MCTP1: variants seen among roughly 807,000 people sequenced by gnomAD.
MCTP1 encodes the protein multiple C2 and transmembrane domain containing 1.
MCTP1 carries 69 observed loss-of-function variants against 120.6 expected under a neutral mutation model. The observed-to-expected ratio is 0.57, with a 90% confidence interval of 0.47 to 0.70. MCTP1 has a LOEUF of 0.70. Ranked by LOEUF, MCTP1 falls within the 30% of genes least tolerant of loss-of-function variation. The pLI, the probability that MCTP1 is intolerant of heterozygous loss-of-function variation, is 0.00. For missense variants in MCTP1, 1,203 were observed against 1,248.8 expected, an observed-to-expected ratio of 0.96 and a Z score of 0.55; for synonymous variants, 529 against 493.1, an observed-to-expected ratio of 1.07 and a Z score of -0.96.
intron 17 of MCTP1, among the ~76,000 whole-genome samples, chr5:94,839,576 A>T (rs1162318601): frequency 6.6e-6 from 1 of 152,218 alleles, no homozygotes; most frequent in Non-Finnish European, 1.5e-5. Context: ...ACATATATTT[A>T]AAAATAATAT....
chr5:95,075,421 C>A (rs1477026664), intron 1 of MCTP1, among the ~76,000 whole-genome samples: 1 of 152,132 alleles, frequency 6.6e-6, no homozygotes, highest in African/African-American at 2.4e-5. Flanking sequence ...AGTTAACCTT[C>A]TCCTTAATTT....
chr5:94,737,365 C>T (rs1434505628), intron 19 of MCTP1, among the ~76,000 whole-genome samples: 1 of 152,086 alleles, frequency 6.6e-6, no homozygotes, highest in Non-Finnish European at 1.5e-5. Context: ...TAGGCTCTAA[C>T]CCAGAGCAGT....
Position 94,952,648 on chromosome 5 carries a change from G to C in MCTP1, c.981+571C>G, listed in dbSNP as rs149328781. 7.5e-3 allele frequency among the ~76,000 whole-genome samples: 1,143 copies of C among 152,206 alleles called. 15 individuals carry two copies. The highest frequency in any genetic ancestry group is 0.026 in the African/African-American group (1,085 of 41,528). On this transcript the variant is annotated intron_variant, in intron 3 of 22. Transcript: ENST00000515393. ...AAGCTGGGCATGAAAATAAAACAAG[G>C]AATAGGGCTCAGAATAGGAACTAGG...
At chr5:95,121,975 C>T (rs1456718733) in intron 1 of MCTP1, among the ~76,000 whole-genome samples, 2 of 149,942 alleles carry the variant, frequency 1.3e-5, no homozygotes, top group Non-Finnish European at 3.0e-5. Flanking sequence ...ACTCCTATCT[C>T]TCACCATATA....
At chr5:94,711,070 C>T (rs1055747936) in intron 20 of MCTP1, 143 bp from the exon 21 acceptor site, 21 of 654,532 alleles carry the variant, frequency 3.2e-5, no homozygotes, top group Middle Eastern at 3.7e-4. Context: ...TATCAGAGGA[C>T]GCAGGCTAGC....
intron 12 of MCTP1, among the ~76,000 whole-genome samples, chr5:94,875,676 T>TTAA (rs1798713247): frequency 6.6e-6 from 1 of 152,000 alleles, no homozygotes; most frequent in African/African-American, 2.4e-5. Context: ...ATGTCAATAT[T>TTAA]TAATCACCTA....
intron 8 of MCTP1, among the ~76,000 whole-genome samples, chr5:94,916,907 G>A (rs1398045677): frequency 2.0e-5 from 3 of 152,296 alleles, no homozygotes; most frequent in Admixed American, 6.5e-5. Context: ...TGGTGCATGC[G>A]CACTGGCTTC....
At chr5:95,187,848 AT>A (rs1749392825) in intron 1 of MCTP1, among the ~76,000 whole-genome samples, 1 of 152,192 alleles carries the variant, frequency 6.6e-6, no homozygotes, top group South Asian at 2.1e-4. Flanking sequence ...TTAATAGTAC[AT>A]TTAAAAATAA....
intron 1 of MCTP1, among the ~76,000 whole-genome samples, chr5:95,212,788 A>G (rs1038319701): frequency 5.3e-5 from 8 of 152,202 alleles, no homozygotes; most frequent in Non-Finnish European, 1.0e-4. Flanking sequence ...ATAGATGCAG[A>G]AAAGGCCTTT....
chr5:94,748,435 T>C (rs1272880370), intron 19 of MCTP1, among the ~76,000 whole-genome samples: 1 of 152,190 alleles, frequency 6.6e-6, no homozygotes, highest in Admixed American at 6.5e-5. Context: ...GGCCCCCTAG[T>C]TTACCAGGAA....
intron 1 of MCTP1, among the ~76,000 whole-genome samples, chr5:95,259,580 C>T (rs1262519468): frequency 6.6e-6 from 1 of 152,166 alleles, no homozygotes; most frequent in African/African-American, 2.4e-5. Context: ...CACCTTAATA[C>T]ACTATAATTA....
intron 17 of MCTP1, among the ~76,000 whole-genome samples, chr5:94,813,369 A>G (rs1783843594): frequency 6.6e-6 from 1 of 152,212 alleles, no homozygotes; most frequent in Non-Finnish European, 1.5e-5. Flanking sequence ...ATTGGTAGGA[A>G]TGTAAAATGG....
At chr5:94,989,708 G>A (rs1222532635) in intron 2 of MCTP1, among the ~76,000 whole-genome samples, 2 of 152,146 alleles carry the variant, frequency 1.3e-5, no homozygotes, top group African/African-American at 2.4e-5. Flanking sequence ...CAGGTGATTA[G>A]AGGGTTAGAA....
chr5:95,182,641 A>AT (rs1337230238), intron 1 of MCTP1, among the ~76,000 whole-genome samples: 1 of 152,096 alleles, frequency 6.6e-6, no homozygotes, highest in African/African-American at 2.4e-5. Flanking sequence ...TTGCATGGCC[A>AT]TTTTTACAGT....
intron 17 of MCTP1, among the ~76,000 whole-genome samples, chr5:94,864,604 A>G (rs932916723): frequency 1.3e-5 from 2 of 151,922 alleles, no homozygotes; most frequent in African/African-American, 2.4e-5. Context: ...CAGAAATTAA[A>G]TGTGTAAAAT....
intron 1 of MCTP1, among the ~76,000 whole-genome samples, chr5:95,263,177 G>A (rs995729186): frequency 1.3e-5 from 2 of 152,200 alleles, no homozygotes; most frequent in African/African-American, 4.8e-5. Context: ...GTCACTAATG[G>A]GAGTTGGTTT....
rs1754163198 is a variant in MCTP1, at chr5:94,704,831, C to T, written c.*2665G>A. On this transcript the variant is annotated 3_prime_UTR_variant, in exon 23 of 23. Coordinates refer to ENST00000515393, the MANE Select transcript of MCTP1 (RefSeq NM_024717.7). Reference sequence around the variant, plus strand: ...TTCTGTAGGAATTCCAGTTTTTGAACATTCTATATGCACTAGGATAATCTG... The same window carrying T: ...TTCTGTAGGAATTCCAGTTTTTGAATATTCTATATGCACTAGGATAATCTG... The T allele has an allele frequency of 6.8e-6, 1 of 147,304 alleles. No individual in the cohort carries two copies. The highest frequency in any genetic ancestry group is 3.2e-3 in the Middle Eastern group (1 of 308). 9.1% of individuals were successfully genotyped at this position (147,304 alleles called of 1,614,324 possible). A position where few individuals can be genotyped will look rare whatever the true frequency, so the allele number is the denominator to read the frequency against.
intron 18 of MCTP1, among the ~76,000 whole-genome samples, chr5:94,798,765 A>T (rs1314519837): frequency 1.3e-5 from 2 of 152,194 alleles, no homozygotes; most frequent in African/African-American, 4.8e-5. Context: ...ATTGAAAATC[A>T]TAGCTCATTC....
At chr5:94,940,923 A>G (rs1255079544) in intron 4 of MCTP1, among the ~76,000 whole-genome samples, 2 of 150,980 alleles carry the variant, frequency 1.3e-5, no homozygotes, top group African/African-American at 4.9e-5. Context: ...ATAAAACAGC[A>G]TACACAAATA....
Sources: gnomAD v4.1 joint callset for allele counts (sites outside exome capture counted in the v4.1 genomes callset) on GRCh38, gnomAD v4.1.1 for gene constraint, MANE v1.5 for transcripts, NCBI Gene and HGNC (gene_info 2026-07-23, HGNC 2026-07-21) for gene names.